The following BRMS1L variants were observed in gnomAD, a reference collection of about 807,000 sequenced individuals.
The protein encoded by BRMS1L is BRMS1 like transcriptional repressor, also known as breast cancer metastasis-suppressor 1-like protein.
In BRMS1L, 23 loss-of-function variants were observed where a neutral mutation model predicts 50.3. The observed-to-expected ratio is 0.46, with a 90% CI of 0.33 to 0.65. The LOEUF (loss-of-function observed/expected upper bound fraction) is 0.65. Ranked by LOEUF, BRMS1L falls within the 30% of genes least tolerant of loss-of-function variation. The pLI, the probability that BRMS1L is intolerant of heterozygous loss-of-function variation, is 0.02. For missense variants in BRMS1L, 286 were observed against 386.1 expected (o/e 0.74, Z 2.17); for synonymous variants, 114 against 126.9 (o/e 0.90, Z 0.69).
rs971277678 is a variant in BRMS1L at position 35,847,825 on chromosome 14, C to T, written c.441+12902C>T. Among the ~76,000 whole-genome samples, 6 of 152,190 alleles carry T rather than the reference C, an allele frequency of 3.9e-5. No individual in the cohort carries two copies. The East Asian group carries it at 9.6e-4, about 24-fold the overall frequency. ...AGTGGTATCATCCACTATTTTCCTC[C>T]GTGACTGGCTTATCTCACTTAGCAT... On this transcript the variant is annotated intron_variant, in intron 4 of 9. Coordinates refer to ENST00000216807, the MANE Select transcript of BRMS1L (RefSeq NM_032352.4).
chr14:35,826,511 T>A lies in BRMS1L; in HGVS notation c.-6T>A. The A allele has an allele frequency of 6.3e-7, 1 of 1,579,242 alleles. No individual in the cohort carries two copies. The highest frequency in any genetic ancestry group is 1.2e-5 in the South Asian group (1 of 86,442). On this transcript the variant is annotated 5_prime_UTR_variant, in exon 1 of 10. Transcript: ENST00000216807. ...CGGTAGTGGAAAGCGACGGCGCGGC[T>A]GGAAAATGCCAGTCCATTCCCGAGG... is the stretch of plus-strand genomic sequence containing the variant.
At chr14:35,858,684 T>C (rs1335569728) in intron 4 of BRMS1L, 1 of 152,114 alleles carries the variant, frequency 6.6e-6, no homozygotes, top group Non-Finnish European at 1.5e-5. Context: ...ATCTCAAGGC[T>C]TGATTGGAGG....
At chr14:35,835,641 A>G (rs1171581007) in intron 4 of BRMS1L, among the ~76,000 whole-genome samples, 3 of 152,140 alleles carry the variant, frequency 2.0e-5, no homozygotes, top group Non-Finnish European at 2.9e-5. Flanking sequence ...TCAGGAAGTC[A>G]AGACCAGTCT....
At chr14:35,829,588 G>T (rs1450295438) in intron 1 of BRMS1L, among the ~76,000 whole-genome samples, 1 of 152,160 alleles carries the variant, frequency 6.6e-6, no homozygotes, top group Non-Finnish European at 1.5e-5. Flanking sequence ...TGTTGGTGCT[G>T]AGCAAATTCT....
At chr14:35,869,608 G>A (rs2078462612) in intron 9 of BRMS1L, among the ~76,000 whole-genome samples, 1 of 152,092 alleles carries the variant, frequency 6.6e-6, no homozygotes, top group African/African-American at 2.4e-5. Context: ...AACACTTTGG[G>A]AAGTCGAGGA....
At chr14:35,859,695 G>C (rs2078325645) in intron 4 of BRMS1L, among the ~76,000 whole-genome samples, 1 of 152,244 alleles carries the variant, frequency 6.6e-6, no homozygotes, top group South Asian at 2.1e-4. Flanking sequence ...TATTGCCCAG[G>C]CTTGAGTACA....
intron 4 of BRMS1L, among the ~76,000 whole-genome samples, chr14:35,861,920 T>C (rs1322894230): frequency 6.6e-6 from 1 of 152,222 alleles, no homozygotes; most frequent in African/African-American, 2.4e-5. Flanking sequence ...TTTATGGCTT[T>C]TTAAATTAGG....
rs1263868752 is a variant in BRMS1L, at chr14:35,851,777, A to T, written c.442-10813A>T. Among the ~76,000 whole-genome samples the T allele has an allele frequency of 2.6e-5, 4 of 152,224 alleles. No individual in the cohort carries two copies. In the East Asian group the frequency reaches 7.7e-4, roughly 29 times the overall value. On this transcript the variant is annotated intron_variant, in intron 4 of 9. Transcript: ENST00000216807. ...AGAAAATTAAAAGTAGAACCACCGT[A>T]TGAGCCAGCAACCCCTCTTCCAGGC...
At chr14:35,841,532 C>T (rs747097493) in intron 4 of BRMS1L, among the ~76,000 whole-genome samples, 39 of 152,210 alleles carry the variant, frequency 2.6e-4, no homozygotes, top group Middle Eastern at 3.4e-3. Flanking sequence ...CTCCTGACCT[C>T]GTGATCTGCC....
intron 4 of BRMS1L, among the ~76,000 whole-genome samples, chr14:35,859,085 G>T (rs1408815765): frequency 6.6e-6 from 1 of 151,886 alleles, no homozygotes; most frequent in African/African-American, 2.4e-5. Context: ...GGGATTACAG[G>T]TTCCTGCACC....
intron 4 of BRMS1L, among the ~76,000 whole-genome samples, chr14:35,858,303 A>G (rs2078307843): frequency 1.3e-5 from 2 of 151,948 alleles, no homozygotes; most frequent in African/African-American, 4.8e-5. Flanking sequence ...CGTGTCCCCT[A>G]TCCTCCTGCT....
intron 4 of BRMS1L, among the ~76,000 whole-genome samples, chr14:35,836,195 G>A (rs923063842): frequency 6.6e-6 from 1 of 152,086 alleles, no homozygotes; most frequent in Non-Finnish European, 1.5e-5. Flanking sequence ...ATATATTCTG[G>A]CTATAAATGC....
At chr14:35,865,686 CTTCT>C in intron 7 of BRMS1L, 32 bp from the exon 8 acceptor site, 1 of 1,515,004 alleles carries the variant, frequency 6.6e-7, no homozygotes. Flanking sequence ...TGAACTCAGA[CTTCT>C]TTCTTCCTCT....
intron 1 of BRMS1L, 106 bp from the exon 2 acceptor site, chr14:35,831,304 A>G (rs879143231): frequency 6.8e-6 from 5 of 737,478 alleles, no homozygotes; most frequent in South Asian, 1.8e-5. Flanking sequence ...TCTTCTCTTC[A>G]TATTACAGTT....
At chr14:35,856,592 A>G (rs1180609125) in intron 4 of BRMS1L, among the ~76,000 whole-genome samples, 1 of 150,914 alleles carries the variant, frequency 6.6e-6, no homozygotes, top group East Asian at 2.0e-4. Flanking sequence ...ATCACTGTTA[A>G]TAAGTATGTA....
intron 4 of BRMS1L, among the ~76,000 whole-genome samples, chr14:35,856,502 G>A (rs2078280492): frequency 6.6e-6 from 1 of 151,992 alleles, no homozygotes; most frequent in African/African-American, 2.4e-5. Flanking sequence ...ATTTTTTTCT[G>A]ATTATGACAT....
intron 4 of BRMS1L, among the ~76,000 whole-genome samples, chr14:35,861,108 A>G (rs2078345476): frequency 6.6e-6 from 1 of 152,192 alleles, no homozygotes; most frequent in South Asian, 2.1e-4. Context: ...TTTCCAAGAA[A>G]AAGAAAGAGA....
chr14:35,870,265 A>C, intron 9 of BRMS1L, 95 bp from the exon 10 acceptor site: 10 of 690,252 alleles, frequency 1.4e-5, no homozygotes, highest in Non-Finnish European at 2.3e-5. Context: ...CTACTGTTGT[A>C]GGCCAGTTTA....
At chr14:35,835,022 TA>T in intron 4 of BRMS1L, 99 bp downstream of exon 4, 2 of 679,240 alleles carry the variant, frequency 2.9e-6, no homozygotes, top group Non-Finnish European at 4.3e-6. Context: ...CAATATTAAA[TA>T]GTACTTTAGC....
Sources: allele counts gnomAD v4.1 joint callset (sites outside exome capture counted in the v4.1 genomes callset), GRCh38; gene constraint gnomAD v4.1.1; transcripts MANE v1.5; gene names NCBI Gene and HGNC (gene_info 2026-07-23, HGNC 2026-07-21).